TBL2: variants seen among roughly 807,000 people sequenced by gnomAD.
The protein encoded by TBL2 is transducin beta-like protein 2.
A neutral mutation model predicts 41.8 loss-of-function variants in TBL2; 33 were observed. The observed-to-expected ratio is 0.79, with a 90% CI of 0.60 to 1.06. The LOEUF is 1.06. Ranked by LOEUF, TBL2 falls within the 50% of genes least tolerant of loss-of-function variation. The pLI is 0.00. For missense variants in TBL2, 522 were observed against 603.8 expected (o/e 0.86, Z 1.42); for synonymous variants, 239 against 241.7 (o/e 0.99, Z 0.10).
intron 3 of TBL2, 149 bp from the exon 4 acceptor site, chr7:73,573,620 T>C (rs781796209): frequency 2.7e-5 from 29 of 1,084,850 alleles, no homozygotes; most frequent in Non-Finnish European, 3.0e-5. Flanking sequence ...CCAAATCTCA[T>C]AAAACTCCTC....
At chr7:73,578,389 G>T (rs781814919) in intron 1 of TBL2, 31 bp downstream of exon 1, 1 of 1,521,436 alleles carries the variant, frequency 6.6e-7, no homozygotes. Flanking sequence ...GGACACCGCG[G>T]GCCGCCCCCA....
chr7:73,574,582 C>G (rs781896936), intron 1 of TBL2, 69 bp from the exon 2 acceptor site: 12 of 1,606,236 alleles, frequency 7.5e-6, no homozygotes, highest in Non-Finnish European at 1.0e-5. Context: ...CTATGATGAG[C>G]CAGGCATTGA....
chr7:73,575,385 G>A (rs1393907198), intron 1 of TBL2, among the ~76,000 whole-genome samples: 1 of 151,876 alleles, frequency 6.6e-6, no homozygotes, highest in Non-Finnish European at 1.5e-5. Context: ...CTGCCTCCCG[G>A]GTTCACGCCA....
At position 73,572,316 on chromosome 7, in the gene TBL2, G is replaced by C. The variant is rs190174185; in HGVS notation, c.725+528C>G. ...ATACAAAAATTAGCCAGGTGTGGTA[G>C]TGCACGCCTGTAGTCCCAGCTACTC... On this transcript the variant is annotated intron_variant, in intron 5 of 6. Transcript: ENST00000305632. 4.3e-4 allele frequency among the ~76,000 whole-genome samples: 66 copies of C among 152,250 alleles called. No homozygotes were observed. The East Asian group carries it at 0.01, about 24-fold the overall frequency.
Position 73,573,303 on chromosome 7 carries a change from C to A in TBL2, c.598+17G>T, listed in dbSNP as rs1554588146. ...CTTCATGCTTTGGGCAGGCGCCACC[C>A]TCTGAATGCCTCTTACCTGTGTTAG... On this transcript the variant is annotated intron_variant, in intron 4 of 6. Coordinates refer to ENST00000305632, the MANE Select transcript of TBL2 (RefSeq NM_012453.4). 6.2e-7 allele frequency: 1 copy of A among 1,613,544 alleles called. No individual in the cohort carries two copies. The highest frequency in any genetic ancestry group is 1.7e-5 in the Admixed American group (1 of 59,896).
chr7:73,578,157 C>A (rs928550585), intron 1 of TBL2: 1 of 1,268,982 alleles, frequency 7.9e-7, no homozygotes, highest in South Asian at 1.4e-5. Context: ...CTCCTGGCCA[C>A]CCCGGGGACG....
chr7:73,572,056 T>TC (rs1312643893), intron 5 of TBL2: 3 of 157,654 alleles, frequency 1.9e-5, no homozygotes, highest in African/African-American at 7.2e-5. Context: ...AGAGCGAAAC[T>TC]CCATCTCAAA....
rs372283908 is a variant in TBL2, at chr7:73,570,657, C to G, written c.1194G>C (p.Leu398=). 3 of 1,613,698 alleles carry G rather than the reference C, an allele frequency of 1.9e-6. No homozygotes were observed. The highest frequency in any genetic ancestry group is 1.3e-5 in the African/African-American group (1 of 75,066). ...LASCGDRAVR[L]FHNTPGHRAM... Reference sequence around the variant, plus strand: ...CTCGGTGGCCAGGAGTGTTGTGAAACAGCCGCACCGCCCGGTCCCCACAGG... The same window carrying G: ...CTCGGTGGCCAGGAGTGTTGTGAAAGAGCCGCACCGCCCGGTCCCCACAGG... Residue 398 remains leucine (L), a synonymous_variant, in exon 7 of 7, where the codon CTG becomes CTC. Coordinates refer to ENST00000305632, the MANE Select transcript of TBL2 (RefSeq NM_012453.4).
At chr7:73,571,032 C>T in intron 6 of TBL2, 60 bp from the exon 7 acceptor site, 3 of 1,565,194 alleles carry the variant, frequency 1.9e-6, no homozygotes, top group Non-Finnish European at 2.6e-6. Flanking sequence ...AAGCACTGGC[C>T]CAACTTGAGC....
At chr7:73,571,143 G>T in intron 6 of TBL2, 46 bp downstream of exon 6, 2 of 1,611,278 alleles carry the variant, frequency 1.2e-6, no homozygotes, top group South Asian at 2.2e-5. Context: ...TGGTTGTCAA[G>T]AGGGGCCAAG....
chr7:73,573,581 G>A, intron 3 of TBL2, 110 bp from the exon 4 acceptor site: 1 of 1,406,878 alleles, frequency 7.1e-7, no homozygotes. Context: ...ATGCCCCACA[G>A]TCTAGCCTTA....
Position 73,570,560 on chromosome 7 carries a change from G to A in TBL2, c.1291C>T (p.Gln431Ter). 2 of 1,606,002 alleles carry A rather than the reference G, an allele frequency of 1.2e-6. No homozygotes were observed. Among genetic ancestry groups the A allele is most frequent in the Non-Finnish European group, 8.5e-7 (1 of 1,176,490 alleles). Residue 431 changes from glutamine (Q) to a stop codon, truncating the protein, a stop_gained, in exon 7 of 7, where the codon CAG becomes TAG. Transcript: ENST00000305632. LOFTEE classifies it high-confidence loss of function. The stretch of plus-strand genomic sequence containing the variant: ...AGGGTCTCTTGGGCCTGGGTCAGCT[G>A]CTGCTGCAGCCTCTGGCGGGTGCTC... Reference protein sequence around the residue: ...NESTRQRLQQQLTQAQETLKS... With the variant: ...NESTRQRLQQ
At chr7:73,573,171 G>A in intron 4 of TBL2, 149 bp downstream of exon 4, 4 of 1,386,170 alleles carry the variant, frequency 2.9e-6, no homozygotes, top group Non-Finnish European at 3.0e-6. Context: ...GGACTCCAGG[G>A]GAGCACAGAG....
At chr7:73,575,186 C>T (rs71556729) in intron 1 of TBL2, among the ~76,000 whole-genome samples, 2,369 of 151,878 alleles carry the variant, frequency 0.016, 40 homozygotes, top group Non-Finnish European at 0.027. Flanking sequence ...AGTGCAGTGG[C>T]GTGATCTCCG....
chr7:73,571,228 G>A lies in TBL2; in HGVS notation c.839C>T (p.Ala280Val), dbSNP rs782398538. 29 of 1,614,108 alleles carry A rather than the reference G, an allele frequency of 1.8e-5. No individual in the cohort carries two copies. The highest frequency in any genetic ancestry group is 6.7e-5 in the Admixed American group (4 of 59,998). ...VRAFELKGHSAAVHSFAFSND... is the reference protein window; with the variant it reads ...VRAFELKGHSVAVHSFAFSND... ...GGAGAAAGCAAACGAGTGCACAGCCGCGGAGTGGCCCTTTAGTTCGAAGGC... is the reference window on the plus strand; with the variant it reads ...GGAGAAAGCAAACGAGTGCACAGCCACGGAGTGGCCCTTTAGTTCGAAGGC... The change falls in exon 6 of 7, where the codon GCG becomes GTG. Residue 280 changes from alanine (A) to valine (V), a missense_variant. Ala to Val is a moderately conservative substitution (Grantham distance 64, BLOSUM62 0). Coordinates refer to ENST00000305632, the MANE Select transcript of TBL2 (RefSeq NM_012453.4).
intron 1 of TBL2, chr7:73,578,157 C>G (rs928550585): frequency 1.6e-6 from 2 of 1,268,982 alleles, no homozygotes; most frequent in Admixed American, 2.5e-5. Flanking sequence ...CTCCTGGCCA[C>G]CCCGGGGACG....
Position 73,574,129 on chromosome 7 carries a change from G to T in TBL2, c.262-7C>A. The T allele has an allele frequency of 2.5e-6, 4 of 1,613,560 alleles. No homozygotes were observed. The highest frequency in any genetic ancestry group is 3.4e-6 in the Non-Finnish European group (4 of 1,179,532). On this transcript the variant is annotated splice_polypyrimidine_tract_variant and splice_region_variant and intron_variant, in intron 2 of 6. Transcript: ENST00000305632. Reference sequence around the variant, plus strand: ...ATATGTTCCCGCTGTGGCTCTAGGGGAAGGGTGGCAGGAAGTGTCAATAGG... The same window carrying T: ...ATATGTTCCCGCTGTGGCTCTAGGGTAAGGGTGGCAGGAAGTGTCAATAGG...
intron 5 of TBL2, 77 bp downstream of exon 5, chr7:73,572,767 G>T: frequency 6.2e-7 from 1 of 1,601,414 alleles, no homozygotes; most frequent in Non-Finnish European, 8.5e-7. Context: ...ACGCGATGAA[G>T]CTGGCTCTCT....
Position 73,572,879 on chromosome 7 carries a change from C to T in TBL2, c.690G>A (p.Met230Ile), listed in dbSNP as rs543014802. ...GAGATACAGCAGCGTGTGTGTTGTT[C>T]ATCTGGTTGGTGTTGATGGTAGACA... is the stretch of plus-strand genomic sequence containing the variant. ...QVLSTINTNQMNNTHAAVSPC... is the reference protein window; with the variant it reads ...QVLSTINTNQINNTHAAVSPC... The change falls in exon 5 of 7, where the codon ATG becomes ATA. Residue 230 changes from methionine to isoleucine, a missense_variant. By Grantham distance (10) the Met-to-Ile change is conservative (BLOSUM62 1). Transcript: ENST00000305632. The T allele has an allele frequency of 1.1e-5, 17 of 1,614,152 alleles. 1 individual carries two copies. The South Asian group carries it at 1.6e-4, about 16-fold the overall frequency.
Sources: allele counts gnomAD v4.1 joint callset (sites outside exome capture counted in the v4.1 genomes callset), GRCh38; gene constraint gnomAD v4.1.1; transcripts MANE v1.5; gene names NCBI Gene and HGNC (gene_info 2026-07-23, HGNC 2026-07-21).